Variants in CATSPERB observed in about 807,000 individuals in gnomAD.
CATSPERB encodes cation channel sperm-associated auxiliary subunit beta.
Under a neutral mutation model 128.3 loss-of-function variants are expected in CATSPERB, and 93 were observed. The observed-to-expected ratio is 0.72, with a 90% CI of 0.61 to 0.86. The LOEUF is 0.86. Ranked by LOEUF, CATSPERB falls within the 40% of genes least tolerant of loss-of-function variation. CATSPERB has a pLI of 0.00. For synonymous variants in CATSPERB, 381 were observed against 448.8 expected (o/e 0.85, Z 1.91); for missense variants, 1,153 against 1,329.5 (o/e 0.87, Z 2.06).
chr14:91,654,385 A>T (rs1181134354), intron 15 of CATSPERB, among the ~76,000 whole-genome samples: 2 of 152,154 alleles, frequency 1.3e-5, no homozygotes, highest in African/African-American at 4.8e-5. Flanking sequence ...CTGCCCTGAA[A>T]GGAGAAATCC....
intron 5 of CATSPERB, among the ~76,000 whole-genome samples, chr14:91,714,446 C>T (rs1363596120): frequency 1.3e-5 from 2 of 150,550 alleles, no homozygotes; most frequent in South Asian, 2.1e-4. Flanking sequence ...TTGCAGGATA[C>T]AAGATCAATA....
chr14:91,683,990 ATATCT>A, intron 10 of CATSPERB, 47 bp from the exon 11 acceptor site: 2 of 1,320,598 alleles, frequency 1.5e-6, no homozygotes, highest in Non-Finnish European at 2.1e-6. Flanking sequence ...TAGACTTAAG[ATATCT>A]TAAGATATAA....
chr14:91,674,248 G>A, intron 11 of CATSPERB, 26 bp from the exon 12 acceptor site: 1 of 1,417,864 alleles, frequency 7.1e-7, no homozygotes, highest in Non-Finnish European at 9.9e-7. Flanking sequence ...AAGGGTACAG[G>A]AATTATGAGC....
At chr14:91,719,624 T>A in intron 4 of CATSPERB, 146 bp from the exon 5 acceptor site, 1 of 590,284 alleles carries the variant, frequency 1.7e-6, no homozygotes, top group Non-Finnish European at 2.9e-6. Context: ...TAGGAATTTT[T>A]CCTACATTAT....
intron 20 of CATSPERB, among the ~76,000 whole-genome samples, chr14:91,613,494 G>A (rs571710401): frequency 6.6e-6 from 1 of 152,286 alleles, no homozygotes; most frequent in East Asian, 1.9e-4. Context: ...AGCATTTTCT[G>A]GGTGCCAGGC....
At chr14:91,632,591 T>A (rs1363151666) in intron 17 of CATSPERB, among the ~76,000 whole-genome samples, 1 of 152,108 alleles carries the variant, frequency 6.6e-6, no homozygotes, top group Non-Finnish European at 1.5e-5. Flanking sequence ...CAACTATAAT[T>A]TTAAAATGGA....
chr14:91,591,940 C>T lies in CATSPERB; in HGVS notation c.2772G>A (p.Lys924=). The change falls in exon 23 of 27, where the codon AAG becomes AAA. Residue 924 remains lysine (K), a synonymous_variant. Coordinates refer to ENST00000256343, the MANE Select transcript of CATSPERB (RefSeq NM_024764.4). ...CAACAGCATGTGAAAACTTCTGATC[C>T]TTTGTGCAGTTACACTCCTCCCGAG... is the stretch of plus-strand genomic sequence containing the variant. ...VSTREECNCT[K]DQKFSHAVAF... is the part of the protein sequence containing the mutation. 1.2e-6 allele frequency: 2 copies of T among 1,614,074 alleles called. No homozygotes were observed. The highest frequency in any genetic ancestry group is 8.5e-7 in the Non-Finnish European group (1 of 1,179,984).
At chr14:91,709,579 C>A (rs1284269358) in intron 5 of CATSPERB, among the ~76,000 whole-genome samples, 1 of 141,956 alleles carries the variant, frequency 7.0e-6, no homozygotes, top group African/African-American at 2.6e-5. Flanking sequence ...GTAGTCCCAG[C>A]TACTTGGGAG....
chr14:91,589,326 T>C (rs1167440251), intron 24 of CATSPERB, among the ~76,000 whole-genome samples: 2 of 152,234 alleles, frequency 1.3e-5, no homozygotes, highest in Non-Finnish European at 2.9e-5. Flanking sequence ...AAAAATGCTT[T>C]TACCCTAGAA....
intron 13 of CATSPERB, among the ~76,000 whole-genome samples, chr14:91,670,643 G>A (rs2139829885): frequency 6.6e-6 from 1 of 151,996 alleles, no homozygotes; most frequent in Middle Eastern, 3.4e-3. Flanking sequence ...TCACACCACT[G>A]CACTCCAGCC....
intron 13 of CATSPERB, among the ~76,000 whole-genome samples, chr14:91,672,546 AT>A (rs202228909): frequency 9.9e-5 from 15 of 150,976 alleles, no homozygotes; most frequent in African/African-American, 2.7e-4. Context: ...AATTACTTCC[AT>A]TTTTTTTTCT....
Position 91,611,161 on chromosome 14 carries a change from A to G in CATSPERB, c.2401-484T>C, listed in dbSNP as rs551596256. On this transcript the variant is annotated intron_variant, in intron 20 of 26. Coordinates refer to ENST00000256343, the MANE Select transcript of CATSPERB (RefSeq NM_024764.4). ...AAACTAAAAAATATAGAAAAAGAAA[A>G]GAAATACAAAAAGACATGACAGAAG... 1.4e-4 allele frequency among the ~76,000 whole-genome samples: 21 copies of G among 152,370 alleles called. No individual in the cohort carries two copies. In the South Asian group the frequency reaches 2.9e-3, roughly 21 times the overall value.
At chr14:91,694,974 G>A (rs1411111209) in intron 7 of CATSPERB, among the ~76,000 whole-genome samples, 1 of 152,182 alleles carries the variant, frequency 6.6e-6, no homozygotes, top group Non-Finnish European at 1.5e-5. Flanking sequence ...GTCATATTTT[G>A]AAGTGTGAGT....
At position 91,636,519 on chromosome 14, in the gene CATSPERB, T is replaced by A. The variant is rs749670100; in HGVS notation, c.1648A>T (p.Ile550Phe). Residue 550 changes from isoleucine to phenylalanine, a missense_variant, in exon 17 of 27, where the codon ATC becomes TTC. Physicochemically the swap from Ile to Phe is conservative, Grantham distance 21. Transcript: ENST00000256343. ...TTCTCAGGTACATATGCAAAAAAGA[T>A]AATTTCATCTAAGGAGGTGTGCTGT... ...APQHTSLDEI[I>F]FFAYVPENEP... 3.7e-6 allele frequency: 6 copies of A among 1,614,020 alleles called. No homozygotes were observed. The highest frequency in any genetic ancestry group is 5.1e-6 in the Non-Finnish European group (6 of 1,179,986).
At position 91,726,388 on chromosome 14, in the gene CATSPERB, C is replaced by T. The variant is rs111499994; in HGVS notation, c.80-1220G>A. ...CATGCTCCCCATCCCGTAAGGGGTT[C>T]GAGTGCCAGAACAGCCACACCTCTG... On this transcript the variant is annotated intron_variant, in intron 2 of 26. Transcript: ENST00000256343. Among the ~76,000 whole-genome samples, 919 of 152,248 alleles carry T rather than the reference C, an allele frequency of 6.0e-3. 14 individuals are homozygous for T. Among genetic ancestry groups the T allele is most frequent in the African/African-American group, 0.021 (862 of 41,552 alleles).
At chr14:91,673,206 C>T (rs1411685822) in intron 12 of CATSPERB, among the ~76,000 whole-genome samples, 190 bp from the exon 13 acceptor site, 1 of 125,992 alleles carries the variant, frequency 7.9e-6, no homozygotes, top group Non-Finnish European at 1.8e-5. Context: ...ACGTTTTTCT[C>T]ATCTGAATTC....
At chr14:91,666,903 G>A (rs761655886) in intron 14 of CATSPERB, among the ~76,000 whole-genome samples, 3 of 152,194 alleles carry the variant, frequency 2.0e-5, no homozygotes, top group East Asian at 1.9e-4. Flanking sequence ...TATGCCGCCC[G>A]AGATGATCTC....
In CATSPERB at chr14:91,636,478, C is replaced by T. The variant is rs750466448; in HGVS notation, c.1689G>A (p.Thr563=). The T allele has an allele frequency of 1.5e-5, 25 of 1,614,040 alleles. No individual in the cohort carries two copies. Among genetic ancestry groups the T allele is most frequent in the East Asian group, 8.9e-5 (4 of 44,886 alleles). ...AYVPENEPQE[T]IYSKKFGNIH... is the part of the protein sequence containing the mutation. ...TATTGCCGAACTTCTTGCTGTAGATCGTTTCCTGGGGTTCGTTCTCAGGTA... is the reference window on the plus strand; with the variant it reads ...TATTGCCGAACTTCTTGCTGTAGATTGTTTCCTGGGGTTCGTTCTCAGGTA... Residue 563 remains threonine (T), a synonymous_variant, in exon 17 of 27, where the codon ACG becomes ACA. Transcript: ENST00000256343.
chr14:91,728,592 T>C (rs1896157754), intron 2 of CATSPERB, among the ~76,000 whole-genome samples: 1 of 152,168 alleles, frequency 6.6e-6, no homozygotes, highest in Non-Finnish European at 1.5e-5. Context: ...TTTCTAACTT[T>C]CCCTCCACGG....
Sources: gnomAD v4.1 joint callset for allele counts (sites outside exome capture counted in the v4.1 genomes callset) on GRCh38, gnomAD v4.1.1 for gene constraint, MANE v1.5 for transcripts, NCBI Gene and HGNC (gene_info 2026-07-23, HGNC 2026-07-21) for gene names.